The following NRG3 variants were observed in gnomAD, a reference collection of about 807,000 sequenced individuals.
NRG3 encodes the protein neuregulin 3, also known as pro-neuregulin-3, membrane-bound isoform.
Under a neutral mutation model 66.9 loss-of-function variants are expected in NRG3, and 31 were observed. That is an observed-to-expected ratio of 0.46 (90% confidence interval 0.35 to 0.63). The LOEUF (loss-of-function observed/expected upper bound fraction) is 0.63, where lower values mean the gene tolerates loss of function less well. Ranked by LOEUF, NRG3 falls within the 20% of genes least tolerant of loss-of-function variation. The pLI, the probability that NRG3 is intolerant of heterozygous loss-of-function variation, is 0.00. For missense variants in NRG3, 910 were observed against 878.9 expected (o/e 1.04, Z -0.45); for synonymous variants, 393 against 359.4 (o/e 1.09, Z -1.06).
chr10:81,987,245 C>G (rs750580788), intron 1 of NRG3, among the ~76,000 whole-genome samples: 1 of 152,120 alleles, frequency 6.6e-6, no homozygotes, highest in East Asian at 1.9e-4. Flanking sequence ...CCACCACACC[C>G]GGATAATTTT....
At chr10:82,163,059 C>A (rs1173430188) in intron 1 of NRG3, among the ~76,000 whole-genome samples, 1 of 152,004 alleles carries the variant, frequency 6.6e-6, no homozygotes, top group African/African-American at 2.4e-5. Context: ...GCTTAAAGTA[C>A]CCAAACCATT....
At chr10:82,658,657 G>C (rs981739608) in intron 2 of NRG3, among the ~76,000 whole-genome samples, 11 of 152,140 alleles carry the variant, frequency 7.2e-5, no homozygotes, top group African/African-American at 2.7e-4. Context: ...TGGTTGCCAG[G>C]GAAAGGGGAC....
At chr10:82,927,814 G>A (rs1282918417) in intron 4 of NRG3, among the ~76,000 whole-genome samples, 9 of 152,198 alleles carry the variant, frequency 5.9e-5, no homozygotes, top group African/African-American at 2.2e-4. Flanking sequence ...ACGTGTGCGT[G>A]TGTCTTTATA....
chr10:82,744,294 G>A (rs2058552220), intron 3 of NRG3, among the ~76,000 whole-genome samples: 1 of 152,134 alleles, frequency 6.6e-6, no homozygotes, highest in Admixed American at 6.5e-5. Flanking sequence ...TTAACTGGGT[G>A]GCTTATAAAC....
chr10:82,960,025 G>A (rs1475793124), intron 6 of NRG3, among the ~76,000 whole-genome samples: 1 of 152,104 alleles, frequency 6.6e-6, no homozygotes, highest in Non-Finnish European at 1.5e-5. Flanking sequence ...GAGTATAATA[G>A]GCAATCATCC....
At chr10:82,022,238 G>T in intron 1 of NRG3, among the ~76,000 whole-genome samples, 1 of 152,048 alleles carries the variant, frequency 6.6e-6, no homozygotes, top group East Asian at 1.9e-4. Context: ...GAAGCAGAAT[G>T]AAACTATCAC....
chr10:82,489,555 A>G (rs1460733024), intron 2 of NRG3, among the ~76,000 whole-genome samples: 2 of 152,102 alleles, frequency 1.3e-5, no homozygotes, highest in Non-Finnish European at 2.9e-5. Context: ...GTCATAGTAC[A>G]CCCTCAACCT....
rs868850232 is a variant in NRG3 at position 82,230,932 on chromosome 10, G to A, written c.824-127807G>A. Among the ~76,000 whole-genome samples the A allele has an allele frequency of 3.9e-4, 59 of 152,220 alleles. No homozygotes were observed. In the Middle Eastern group the frequency reaches 0.017, roughly 44 times the overall value. The stretch of plus-strand genomic sequence containing the variant: ...AGGCATAAAAATGTAGTAAAAGTGT[G>A]TAAACAATTAAAATTAGATAATGCA... On this transcript the variant is annotated intron_variant, in intron 1 of 8. Transcript: ENST00000372141.
intron 2 of NRG3, among the ~76,000 whole-genome samples, chr10:82,433,087 A>G (rs1276480194): frequency 6.6e-6 from 1 of 152,198 alleles, no homozygotes; most frequent in Non-Finnish European, 1.5e-5. Flanking sequence ...CAAACAGTGT[A>G]AAAGCGTTCC....
intron 3 of NRG3, among the ~76,000 whole-genome samples, chr10:82,772,707 T>C (rs1442491641): frequency 1.4e-5 from 2 of 143,638 alleles, no homozygotes; most frequent in Non-Finnish European, 3.0e-5. Context: ...TCCATATCTT[T>C]TTTTTTTTTT....
chr10:82,517,559 T>A (rs1045756592), intron 2 of NRG3, among the ~76,000 whole-genome samples: 4 of 152,116 alleles, frequency 2.6e-5, no homozygotes, highest in African/African-American at 9.7e-5. Context: ...AGAAATCTTC[T>A]TAAGCAGGAT....
intron 2 of NRG3, among the ~76,000 whole-genome samples, chr10:82,697,396 G>T (rs935654667): frequency 6.6e-6 from 1 of 152,120 alleles, no homozygotes; most frequent in Non-Finnish European, 1.5e-5. Flanking sequence ...TATTCCCAAG[G>T]TGATCTCTGG....
intron 2 of NRG3, among the ~76,000 whole-genome samples, chr10:82,393,773 A>G (rs185088282): frequency 3.9e-5 from 6 of 152,314 alleles, no homozygotes; most frequent in Admixed American, 2.6e-4. Flanking sequence ...GTCAGTTTTC[A>G]TAAGTGCTTA....
chr10:81,999,003 G>C (rs558451669), intron 1 of NRG3, among the ~76,000 whole-genome samples: 1 of 152,094 alleles, frequency 6.6e-6, no homozygotes, highest in African/African-American at 2.4e-5. Flanking sequence ...GGGTTTCACC[G>C]TGTTGGTCAG....
intron 2 of NRG3, among the ~76,000 whole-genome samples, chr10:82,362,308 T>A (rs2084199501): frequency 6.7e-6 from 1 of 150,278 alleles, no homozygotes; most frequent in South Asian, 2.1e-4. Context: ...TTTTCCTAAA[T>A]TCAAAATATA....
chr10:82,584,040 C>G (rs1373815736), intron 2 of NRG3, among the ~76,000 whole-genome samples: 2 of 152,174 alleles, frequency 1.3e-5, no homozygotes, highest in Middle Eastern at 3.4e-3. Flanking sequence ...ATTTAAAGAG[C>G]CTCACAAATA....
chr10:82,470,559 G>A (rs113731396), intron 2 of NRG3, among the ~76,000 whole-genome samples: 6 of 152,176 alleles, frequency 3.9e-5, no homozygotes, highest in Admixed American at 6.5e-5. Context: ...AATAGAGTTC[G>A]TCAGAGGCCC....
At chr10:82,783,978 C>A (rs2135304735) in intron 3 of NRG3, among the ~76,000 whole-genome samples, 1 of 151,912 alleles carries the variant, frequency 6.6e-6, no homozygotes, top group Non-Finnish European at 1.5e-5. Context: ...CTACAGTAAC[C>A]AAAACAGCAT....
chr10:82,111,431 G>A (rs770357361), intron 1 of NRG3, among the ~76,000 whole-genome samples: 8 of 152,054 alleles, frequency 5.3e-5, no homozygotes, highest in Admixed American at 1.3e-4. Context: ...AAACACGACC[G>A]AGTGCTTTGG....
Sources: allele counts gnomAD v4.1 joint callset (sites outside exome capture counted in the v4.1 genomes callset), GRCh38; gene constraint gnomAD v4.1.1; transcripts MANE v1.5; gene names NCBI Gene and HGNC (gene_info 2026-07-23, HGNC 2026-07-21).